The following LINGO2 variants were observed in gnomAD, a reference collection of about 807,000 sequenced individuals.
LINGO2 encodes leucine-rich repeat and immunoglobulin-like domain-containing nogo receptor-interacting protein 2.
A neutral mutation model predicts 30.6 loss-of-function variants in LINGO2; 14 were observed. The observed-to-expected ratio is 0.46, with a 90% CI of 0.30 to 0.72. The LOEUF (loss-of-function observed/expected upper bound fraction) is 0.72, where lower values mean the gene tolerates loss of function less well. Among genes scored for constraint, LINGO2 ranks in the 30% least tolerant of loss-of-function variants. The pLI is 0.07. For missense variants in LINGO2, 729 were observed against 751.7 expected (o/e 0.97, Z 0.35); for synonymous variants, 317 against 288.5 (o/e 1.10, Z -1.00).
chr9:28,595,552 T>C (rs913827716), intron 1 of LINGO2, among the ~76,000 whole-genome samples: 1 of 152,136 alleles, frequency 6.6e-6, no homozygotes, highest in African/African-American at 2.4e-5. Context: ...TTATACTTGA[T>C]AGTGTCTGTA....
intron 5 of LINGO2, among the ~76,000 whole-genome samples, chr9:28,003,390 G>T (rs1035453972): frequency 6.0e-5 from 9 of 149,756 alleles, no homozygotes; most frequent in African/African-American, 9.9e-5. Context: ...TAGATATAGA[G>T]AGAGAGAGAG....
intron 2 of LINGO2, among the ~76,000 whole-genome samples, chr9:28,467,384 A>G (rs1327234901): frequency 6.6e-6 from 1 of 152,142 alleles, no homozygotes; most frequent in Non-Finnish European, 1.5e-5. Flanking sequence ...CTAGAGTAGC[A>G]AACAACATAG....
At chr9:28,271,739 C>T (rs754678491) in intron 4 of LINGO2, among the ~76,000 whole-genome samples, 6 of 152,052 alleles carry the variant, frequency 3.9e-5, no homozygotes, top group Non-Finnish European at 7.4e-5. Flanking sequence ...CACTGCGATG[C>T]CTTAAGTATT....
At chr9:28,258,970 G>T (rs1236294459) in intron 4 of LINGO2, among the ~76,000 whole-genome samples, 1 of 151,664 alleles carries the variant, frequency 6.6e-6, no homozygotes, top group Non-Finnish European at 1.5e-5. Context: ...AGGAGGATTG[G>T]TCCCATACCA....
the LINGO2 span, among the ~76,000 whole-genome samples, chr9:29,080,181 A>G: frequency 1.3e-5 from 2 of 151,992 alleles, no homozygotes; most frequent in East Asian, 1.9e-4. Flanking sequence ...GGGAGGGGGT[A>G]TGTGACCAGG....
At chr9:29,148,491 A>T in the LINGO2 span, among the ~76,000 whole-genome samples, 1 of 152,150 alleles carries the variant, frequency 6.6e-6, no homozygotes, top group East Asian at 1.9e-4. Context: ...TGGCCCCCCT[A>T]TAATCTGTTC....
chr9:28,617,519 T>C (rs1442668427), intron 1 of LINGO2, among the ~76,000 whole-genome samples: 1 of 151,968 alleles, frequency 6.6e-6, no homozygotes, highest in Non-Finnish European at 1.5e-5. Flanking sequence ...ATGGTCTCGA[T>C]CTCCTGACCT....
At chr9:28,067,550 A>G (rs901830947) in intron 4 of LINGO2, among the ~76,000 whole-genome samples, 3 of 152,116 alleles carry the variant, frequency 2.0e-5, no homozygotes, top group African/African-American at 7.2e-5. Flanking sequence ...ACCTCGGACG[A>G]TGTACTTTGC....
chr9:28,449,040 T>C (rs1245212902), intron 2 of LINGO2, among the ~76,000 whole-genome samples: 1 of 148,016 alleles, frequency 6.8e-6, no homozygotes, highest in Non-Finnish European at 1.5e-5. Flanking sequence ...TTCGTGTGTG[T>C]GTGTGTGTGT....
At chr9:28,895,676 GT>G in the LINGO2 span, among the ~76,000 whole-genome samples, 1 of 151,914 alleles carries the variant, frequency 6.6e-6, no homozygotes, top group Non-Finnish European at 1.5e-5. Flanking sequence ...GCCTCTCTCT[GT>G]TTGATATTTA....
chr9:28,476,315 G>A (rs1028590471), intron 1 of LINGO2, among the ~76,000 whole-genome samples: 3 of 152,038 alleles, frequency 2.0e-5, no homozygotes, highest in South Asian at 4.2e-4. Flanking sequence ...TCGCTCTGTC[G>A]CCCAGGCTGG....
At chr9:28,636,858 G>A (rs1475712512) in intron 1 of LINGO2, among the ~76,000 whole-genome samples, 1 of 152,142 alleles carries the variant, frequency 6.6e-6, no homozygotes, top group African/African-American at 2.4e-5. Flanking sequence ...GGCTTTTGTT[G>A]CCACTGCTTT....
intron 2 of LINGO2, among the ~76,000 whole-genome samples, chr9:28,375,759 T>C (rs1821106107): frequency 6.6e-6 from 1 of 152,170 alleles, no homozygotes; most frequent in Admixed American, 6.5e-5. Flanking sequence ...TCCACAGTCT[T>C]AAACGGGAAA....
rs143868791 is a variant in LINGO2 at position 28,458,304 on chromosome 9, T to C, written c.-279+17636A>G. Reference sequence around the variant, plus strand: ...TTATATGTTTCTTAAAGGCACAAGCTCCTATATTTTTATACGTCCCAGGAC... The same window carrying C: ...TTATATGTTTCTTAAAGGCACAAGCCCCTATATTTTTATACGTCCCAGGAC... On this transcript the variant is annotated intron_variant, in intron 2 of 5. Transcript: ENST00000379992. 3.1e-3 allele frequency among the ~76,000 whole-genome samples: 479 copies of C among 152,300 alleles called. 4 individuals carry two copies. The highest frequency in any genetic ancestry group is 0.011 in the African/African-American group (443 of 41,564).
At chr9:28,590,673 G>C (rs1318456261) in intron 1 of LINGO2, among the ~76,000 whole-genome samples, 1 of 152,118 alleles carries the variant, frequency 6.6e-6, no homozygotes, top group Non-Finnish European at 1.5e-5. Flanking sequence ...TGCTGGAGAG[G>C]ATGTGGAGAA....
chr9:29,058,317 G>A, the LINGO2 span, among the ~76,000 whole-genome samples: 3 of 152,000 alleles, frequency 2.0e-5, no homozygotes, highest in African/African-American at 4.8e-5. Flanking sequence ...AAACATCACT[G>A]GCTGCATTTA....
chr9:28,848,006 CAT>C, the LINGO2 span, among the ~76,000 whole-genome samples: 2 of 55,774 alleles, frequency 3.6e-5, 1 homozygote, highest in Non-Finnish European at 7.5e-5. Context: ...TACATATATA[CAT>C]ACATATATAC....
intron 4 of LINGO2, among the ~76,000 whole-genome samples, chr9:28,035,878 GAACA>G (rs1563931171): frequency 5.3e-5 from 6 of 112,642 alleles, no homozygotes; most frequent in South Asian, 3.5e-4. Context: ...AATGATAGCA[GAACA>G]CACACACACA....
chr9:28,314,692 T>A (rs1180875628), intron 3 of LINGO2, among the ~76,000 whole-genome samples: 1 of 151,930 alleles, frequency 6.6e-6, no homozygotes, highest in Non-Finnish European at 1.5e-5. Context: ...ATGGCAAAGA[T>A]AAATATATGA....
Sources: allele counts gnomAD v4.1 joint callset (sites outside exome capture counted in the v4.1 genomes callset), GRCh38; gene constraint gnomAD v4.1.1; transcripts MANE v1.5; gene names NCBI Gene and HGNC (gene_info 2026-07-23, HGNC 2026-07-21).